The following UPF3B variants were observed in gnomAD, a reference collection of about 807,000 sequenced individuals.
The protein encoded by UPF3B is UPF3B regulator of nonsense mediated mRNA decay.
Under a neutral mutation model 40.3 loss-of-function variants are expected in UPF3B, and 7 were observed. That is an observed-to-expected ratio of 0.17 (90% CI 0.10 to 0.33). The LOEUF (loss-of-function observed/expected upper bound fraction) is 0.33, where lower values mean the gene tolerates loss of function less well. UPF3B is among the 10% of genes least tolerant of loss of function. The probability of loss-of-function intolerance (pLI) is 1.00; values close to 1 mark genes in which losing one functional copy is unlikely to be tolerated. For synonymous variants in UPF3B, 117 were observed against 117.3 expected, an observed-to-expected ratio of 1.00 and a Z score of 0.01; for missense variants, 229 against 358.9, an observed-to-expected ratio of 0.64 and a Z score of 2.93.
intron 3 of UPF3B, among the ~76,000 whole-genome samples, chrX:119,848,267 G>GT (rs1277120275): frequency 1.2e-5 from 1 of 80,127 alleles, no homozygotes; most frequent in Non-Finnish European, 2.2e-5. Flanking sequence ...GGGCAACAAA[G>GT]TGAGACTCCA....
At chrX:119,815,538 G>A (rs2079312687) in intron 4 of UPF3B, among the ~76,000 whole-genome samples, 1 of 111,139 alleles carries the variant, frequency 9.0e-6, no homozygotes, top group Non-Finnish European at 1.9e-5. Context: ...TTTTCTTAGA[G>A]ACATGGTCTC....
rs183595601 is a variant in UPF3B, at chrX:119,810,217, C to A, written c.603-2636G>T. Among the ~76,000 whole-genome samples, 806 of 112,222 alleles carry A rather than the reference C, an allele frequency of 7.2e-3. 3 individuals are homozygous for A. The highest frequency in any genetic ancestry group is 0.024 in the African/African-American group (747 of 30,988). ...AGCAAACTTTCCACTTGATGGGTGC[C>A]AAAACCAGATCAGCTGCAAAGAACA... On this transcript the variant is annotated intron_variant, in intron 5 of 6. Coordinates refer to the UPF3B transcript ENST00000636792.
chrX:119,851,550 C>G lies in UPF3B; in HGVS notation c.315G>C (p.Glu105Asp). ...AGCGATCCCTGAACAAAATAATGTCCTCTTGGTTTTTAAAGTTGATGTATG... is the reference window on the plus strand; with the variant it reads ...AGCGATCCCTGAACAAAATAATGTCGTCTTGGTTTTTAAAGTTGATGTATG... ...ARAYINFKNQ[E>D]DIILFRDRFD... Residue 105 changes from glutamate to aspartate, a missense_variant, in exon 3 of 11, where the codon GAG becomes GAC. Glu to Asp is a conservative substitution (Grantham distance 45, BLOSUM62 2). Coordinates refer to ENST00000276201, the MANE Select transcript of UPF3B (RefSeq NM_080632.3). The G allele has an allele frequency of 8.3e-7, 1 of 1,209,657 alleles. No homozygotes were observed. Among genetic ancestry groups the G allele is most frequent in the Middle Eastern group, 2.3e-4 (1 of 4,346 alleles).
At chrX:119,805,700 G>A (rs1422514886) in intron 6 of UPF3B, among the ~76,000 whole-genome samples, 1 of 110,275 alleles carries the variant, frequency 9.1e-6, no homozygotes, top group Admixed American at 9.8e-5. Flanking sequence ...CTCAAAAGAA[G>A]ACATTTATGC....
intron 5 of UPF3B, among the ~76,000 whole-genome samples, chrX:119,808,196 A>G (rs921927331): frequency 2.7e-5 from 3 of 111,894 alleles, no homozygotes; most frequent in East Asian, 2.8e-4. Context: ...TATTAAGGAC[A>G]TGAAATTATG....
intron 8 of UPF3B, among the ~76,000 whole-genome samples, chrX:119,839,506 C>A (rs2056138053): frequency 8.9e-6 from 1 of 112,487 alleles, no homozygotes; most frequent in African/African-American, 3.2e-5. Flanking sequence ...TGCTATGAAT[C>A]TCTCGAGAAT....
At chrX:119,809,887 T>TTTAGGGTGAGG (rs1320978678) in intron 5 of UPF3B, among the ~76,000 whole-genome samples, 1 of 111,505 alleles carries the variant, frequency 9.0e-6, no homozygotes, top group African/African-American at 3.3e-5. Context: ...AAACGTCAAA[T>TTTAGGGTGAGG]TTAGGGTGAG....
intron 4 of UPF3B, among the ~76,000 whole-genome samples, chrX:119,815,940 C>G (rs1401891599): frequency 9.0e-6 from 1 of 111,153 alleles, no homozygotes; most frequent in Non-Finnish European, 1.9e-5. Context: ...CACCACCAAG[C>G]CCGGCTAATT....
At chrX:119,842,629 C>CAGAG (rs1556380064) in intron 5 of UPF3B, among the ~76,000 whole-genome samples, 58 of 107,248 alleles carry the variant, frequency 5.4e-4, no homozygotes, top group African/African-American at 1.9e-3. Flanking sequence ...CACACACACA[C>CAGAG]AGAGAGAGAG....
downstream of UPF3B, among the ~76,000 whole-genome samples, chrX:119,833,037 C>T (rs2056052929): frequency 9.0e-6 from 1 of 110,958 alleles, no homozygotes; most frequent in Admixed American, 9.7e-5. Context: ...CCCCACTGCC[C>T]TCACCCTTTC....
intron 1 of UPF3B, 46 bp from the exon 2 acceptor site, chrX:119,851,919 C>G (rs979137718): frequency 4.6e-6 from 4 of 870,968 alleles, no homozygotes; most frequent in Non-Finnish European, 6.7e-6. Context: ...AATCAGTTTT[C>G]TGTCATACCT....
intron 10 of UPF3B, 35 bp from the exon 11 acceptor site, chrX:119,835,062 A>G (rs371595373): frequency 2.8e-5 from 34 of 1,196,293 alleles, no homozygotes; most frequent in Non-Finnish European, 3.6e-5. Context: ...CATTACAACA[A>G]TGCTACTAAG....
At chrX:119,850,528 T>A (rs773447015) in intron 3 of UPF3B, among the ~76,000 whole-genome samples, 1 of 111,228 alleles carries the variant, frequency 9.0e-6, no homozygotes, top group East Asian at 2.8e-4. Flanking sequence ...AAAATTTAAT[T>A]TTTACCAACT....
chrX:119,811,124 C>T (rs1003368852), intron 5 of UPF3B, among the ~76,000 whole-genome samples: 1 of 109,725 alleles, frequency 9.1e-6, no homozygotes, highest in Non-Finnish European at 1.9e-5. Context: ...CTGCAACCTC[C>T]GCCTCCCGGG....
In UPF3B at chrX:119,838,034, C is replaced by A; in HGVS notation, c.1025G>T (p.Gly342Val). 1.7e-6 allele frequency: 2 copies of A among 1,210,918 alleles called. No individual in the cohort carries two copies. Among genetic ancestry groups the A allele is most frequent in the Non-Finnish European group, 2.2e-6 (2 of 895,501 alleles). The change falls in exon 10 of 11, where the codon GGC becomes GTC. Residue 342 changes from glycine (G) to valine (V), a missense_variant. Gly to Val is a moderately radical substitution (Grantham distance 109). This residue lies in a region of UPF3B where 119 missense variants were observed against 153.8 expected (regional missense o/e 0.77). Transcript: ENST00000276201. The part of the protein sequence containing the change: ...EKPKRPEDES[G>V]RDYREREREY... ...CCGTTCCCTCTCCCTATAGTCTCTG[C>A]CGCTCTCATCTTCAGGTCTGCATGA...
At chrX:119,828,670 TAAA>T (rs1225152101) in intron 3 of UPF3B, among the ~76,000 whole-genome samples, 3 of 93,327 alleles carry the variant, frequency 3.2e-5, no homozygotes, top group Admixed American at 1.2e-4. Flanking sequence ...AGTCTTTACT[TAAA>T]AAAAAAAAAA....
intron 5 of UPF3B, among the ~76,000 whole-genome samples, chrX:119,808,471 C>G (rs985514799): frequency 4.1e-5 from 4 of 98,071 alleles, no homozygotes; most frequent in African/African-American, 1.5e-4. Flanking sequence ...CATTGTGCAT[C>G]ATGATCTGAT....
intron 5 of UPF3B, among the ~76,000 whole-genome samples, chrX:119,811,244 G>A (rs1405500946): frequency 1.8e-5 from 2 of 110,551 alleles, no homozygotes; most frequent in Admixed American, 9.6e-5. Flanking sequence ...GGGTTTTGCC[G>A]TGTTGGCCAG....
chrX:119,842,580 T>TCTCACACACACACACACACACACA (rs1556379941), intron 5 of UPF3B, among the ~76,000 whole-genome samples: 1 of 71,459 alleles, frequency 1.4e-5, no homozygotes, highest in African/African-American at 6.1e-5. Context: ...ACTCCATCTC[T>TCTCACACACACACACACACACACA]CACACACACA....
Sources: allele counts gnomAD v4.1 joint callset (sites outside exome capture counted in the v4.1 genomes callset), GRCh38; gene constraint gnomAD v4.1.1; regional missense constraint gnomAD v4.1.1; transcripts MANE v1.5; gene names NCBI Gene and HGNC (gene_info 2026-07-23, HGNC 2026-07-21).